Variants in MAPK1IP1L observed in about 807,000 individuals in gnomAD.
MAPK1IP1L encodes MAPK-interacting and spindle-stabilizing protein-like.
In MAPK1IP1L, 10 loss-of-function variants were observed where a neutral mutation model predicts 18.1. That is an observed-to-expected ratio of 0.55 (90% CI 0.34 to 0.94). The LOEUF (loss-of-function observed/expected upper bound fraction) is 0.94. MAPK1IP1L is among the 40% of genes least tolerant of loss of function. MAPK1IP1L has a pLI of 0.02. For synonymous variants in MAPK1IP1L, 115 were observed against 117.3 expected, an observed-to-expected ratio of 0.98 and a Z score of 0.13; for missense variants, 260 against 318.2, an observed-to-expected ratio of 0.82 and a Z score of 1.39.
Position 55,067,738 on chromosome 14 carries a change from A to G in MAPK1IP1L, c.*3111A>G, listed in dbSNP as rs1322247173. ...TTTAAAAGGGAACAATGTTGCTTTC[A>G]AAACAAGACATGCTAGGCTGAAACT... On this transcript the variant is annotated 3_prime_UTR_variant, in exon 4 of 4. Transcript: ENST00000395468. 1 of 152,190 alleles carries G rather than the reference A, an allele frequency of 6.6e-6. No homozygotes were observed. The highest frequency in any genetic ancestry group is 2.4e-5 in the African/African-American group (1 of 41,442). 9.4% of individuals were successfully genotyped at this position (152,190 alleles called of 1,614,324 possible). A position where few individuals can be genotyped will look rare whatever the true frequency, so the allele number is the denominator to read the frequency against.
At chr14:55,061,789 T>G in intron 2 of MAPK1IP1L, 88 bp downstream of exon 2, 2 of 1,061,964 alleles carry the variant, frequency 1.9e-6, no homozygotes, top group Non-Finnish European at 2.7e-6. Context: ...TCTTTTCACT[T>G]AAAAGAGATG....
intron 1 of MAPK1IP1L, chr14:55,060,729 G>A (rs546152772): frequency 2.0e-5 from 3 of 152,296 alleles, no homozygotes; most frequent in East Asian, 1.9e-4. Flanking sequence ...GGTTATAGGG[G>A]CGTATACAAT....
intron 1 of MAPK1IP1L, 27 bp from the exon 2 acceptor site, chr14:55,061,653 C>T (rs2042819001): frequency 1.5e-6 from 2 of 1,360,772 alleles, no homozygotes; most frequent in Non-Finnish European, 2.1e-6. Flanking sequence ...ATTTTTCTTT[C>T]TTCCTTCATT....
At chr14:55,052,761 C>T (rs899440888) in intron 1 of MAPK1IP1L, among the ~76,000 whole-genome samples, 3 of 152,202 alleles carry the variant, frequency 2.0e-5, no homozygotes, top group Admixed American at 1.3e-4. Flanking sequence ...ATGCTGGCAT[C>T]TCTGAGCCCA....
chr14:55,054,724 C>T (rs753689586), intron 1 of MAPK1IP1L, among the ~76,000 whole-genome samples: 1 of 152,160 alleles, frequency 6.6e-6, no homozygotes, highest in Non-Finnish European at 1.5e-5. Flanking sequence ...ATCACTCCAT[C>T]ACAATTTGAA....
chr14:55,057,151 A>G (rs1033105652), intron 1 of MAPK1IP1L, among the ~76,000 whole-genome samples: 1 of 152,250 alleles, frequency 6.6e-6, no homozygotes, highest in Admixed American at 6.5e-5. Flanking sequence ...AAACATTAGC[A>G]TTCCCAGGAG....
intron 1 of MAPK1IP1L, among the ~76,000 whole-genome samples, chr14:55,058,861 T>C (rs924022880): frequency 6.6e-5 from 10 of 151,156 alleles, no homozygotes; most frequent in African/African-American, 1.9e-4. Context: ...GGGGAAACAA[T>C]AAAAATAACC....
In MAPK1IP1L at chr14:55,069,880, G is replaced by T. The variant is rs967715095; in HGVS notation, c.*5253G>T. The T allele has an allele frequency of 2.0e-5, 3 of 152,200 alleles. No homozygotes were observed. The highest frequency in any genetic ancestry group is 6.5e-5 in the Admixed American group (1 of 15,284). The allele number at this position is 152,200 out of a possible 1,614,324, so 9.4% of individuals were successfully genotyped here. A position where few individuals can be genotyped will look rare whatever the true frequency, so the allele number is the denominator to read the frequency against. On this transcript the variant is annotated 3_prime_UTR_variant, in exon 4 of 4. Transcript: ENST00000395468. ...CACTCCCCCACTTTCTGTTATGAAAGATAGTTCTACTTTTATCATTAACTG... is the reference window on the plus strand; with the variant it reads ...CACTCCCCCACTTTCTGTTATGAAATATAGTTCTACTTTTATCATTAACTG...
At chr14:55,061,441 T>C (rs759870620) in intron 1 of MAPK1IP1L, among the ~76,000 whole-genome samples, 3 of 152,200 alleles carry the variant, frequency 2.0e-5, no homozygotes, top group Non-Finnish European at 4.4e-5. Flanking sequence ...AAAAAGAAGG[T>C]AAATTAAATT....
Position 55,065,691 on chromosome 14 carries a change from CTG to C in MAPK1IP1L, c.*1066_*1067del, listed in dbSNP as rs1341219264. Reference sequence around the variant, plus strand: ...GGAACCTTAAGTCATGCAGACATGACTGTTCTCTTTGTACAAGTGTGAATCAA... The same window carrying C: ...GGAACCTTAAGTCATGCAGACATGACTTCTCTTTGTACAAGTGTGAATCAA... On this transcript the variant is annotated 3_prime_UTR_variant, in exon 4 of 4. Transcript: ENST00000395468. 7 of 152,198 alleles carry C rather than the reference CTG, an allele frequency of 4.6e-5. No homozygotes were observed. The highest frequency in any genetic ancestry group is 8.8e-5 in the Non-Finnish European group (6 of 68,046). The allele number at this position is 152,198 out of a possible 1,614,324, so 9.4% of individuals were successfully genotyped here.
At position 55,065,431 on chromosome 14, in the gene MAPK1IP1L, C is replaced by G. The variant is rs1294691571; in HGVS notation, c.*804C>G. 6.6e-6 allele frequency: 1 copy of G among 152,140 alleles called. No individual in the cohort carries two copies. The highest frequency in any genetic ancestry group is 3.2e-3 in the Middle Eastern group (1 of 316). The allele number at this position is 152,140 out of a possible 1,614,324, so 9.4% of individuals were successfully genotyped here. A position where few individuals can be genotyped will look rare whatever the true frequency, so the allele number is the denominator to read the frequency against. ...AGAGCTCGAGGAAGGAAATAATTCT[C>G]TCCTTTGTTTTGAACCTCAAACTAG... On this transcript the variant is annotated 3_prime_UTR_variant, in exon 4 of 4. Coordinates refer to ENST00000395468, the MANE Select transcript of MAPK1IP1L (RefSeq NM_144578.4).
chr14:55,055,774 T>C (rs911390340), intron 1 of MAPK1IP1L, among the ~76,000 whole-genome samples: 2 of 151,956 alleles, frequency 1.3e-5, no homozygotes, highest in Admixed American at 1.3e-4. Flanking sequence ...CTACCAAAAA[T>C]TAAAAATTAG....
intron 1 of MAPK1IP1L, among the ~76,000 whole-genome samples, chr14:55,057,274 C>T (rs1267759691): frequency 6.6e-6 from 1 of 151,950 alleles, no homozygotes; most frequent in South Asian, 2.1e-4. Context: ...TTATTTTTTG[C>T]AAATGGCGTA....
At chr14:55,052,405 A>G (rs2140255820) in intron 1 of MAPK1IP1L, among the ~76,000 whole-genome samples, 1 of 152,316 alleles carries the variant, frequency 6.6e-6, no homozygotes, top group East Asian at 1.9e-4. Context: ...CATTAGATGA[A>G]TACCCAGGGC....
At chr14:55,059,225 GAAAAA>G (rs3078612) in intron 1 of MAPK1IP1L, among the ~76,000 whole-genome samples, 2 of 63,280 alleles carry the variant, frequency 3.2e-5, no homozygotes, top group African/African-American at 5.8e-5. Flanking sequence ...AGGAAAATCT[GAAAAA>G]AAAAAAAAAA....
At chr14:55,054,177 CTTTTTTT>C (rs371063665) in intron 1 of MAPK1IP1L, among the ~76,000 whole-genome samples, 32 of 127,268 alleles carry the variant, frequency 2.5e-4, no homozygotes, top group African/African-American at 6.6e-4. Context: ...TTTATATTTT[CTTTTTTT>C]TTTTTTTTTT....
intron 1 of MAPK1IP1L, among the ~76,000 whole-genome samples, chr14:55,052,136 C>T (rs1434866844): frequency 6.6e-6 from 1 of 150,494 alleles, no homozygotes; most frequent in African/African-American, 2.4e-5. Context: ...CACCCCTTCC[C>T]GGCGGGCGCG....
intron 3 of MAPK1IP1L, among the ~76,000 whole-genome samples, chr14:55,063,558 C>T (rs2042837382): frequency 6.6e-6 from 1 of 152,202 alleles, no homozygotes; most frequent in Admixed American, 6.5e-5. Context: ...TCCCCAAAGA[C>T]TTTGTAATGT....
chr14:55,059,728 G>C (rs1210434862), intron 1 of MAPK1IP1L, among the ~76,000 whole-genome samples: 1 of 152,138 alleles, frequency 6.6e-6, no homozygotes. Flanking sequence ...AACTTGCCAA[G>C]CTTCCTCTTC....
Sources: allele counts gnomAD v4.1 joint callset (sites outside exome capture counted in the v4.1 genomes callset), GRCh38; gene constraint gnomAD v4.1.1; transcripts MANE v1.5; gene names NCBI Gene and HGNC (gene_info 2026-07-23, HGNC 2026-07-21).